Variants in MACROD2 observed in about 807,000 individuals in gnomAD.
MACROD2 encodes the protein mono-ADP ribosylhydrolase 2.
In MACROD2, 36 loss-of-function variants were observed where a neutral mutation model predicts 70.4. The observed-to-expected ratio is 0.51, with a 90% CI of 0.39 to 0.68. MACROD2 has a LOEUF of 0.68. Among genes scored for constraint, MACROD2 ranks in the 30% least tolerant of loss-of-function variants. The probability of loss-of-function intolerance (pLI) is 0.00; values close to 1 mark genes in which losing one functional copy is unlikely to be tolerated. For missense variants in MACROD2, 496 were observed against 538.4 expected (o/e 0.92, Z 0.78); for synonymous variants, 172 against 178.8 (o/e 0.96, Z 0.30).
chr20:14,018,514 T>G (rs929081375), intron 2 of MACROD2, among the ~76,000 whole-genome samples: 1 of 152,218 alleles, frequency 6.6e-6, no homozygotes, highest in African/African-American at 2.4e-5. Context: ...CAGGAGTATG[T>G]TGCCTAATTT....
intron 5 of MACROD2, among the ~76,000 whole-genome samples, chr20:14,691,398 G>C (rs2071062363): frequency 6.6e-6 from 1 of 152,192 alleles, no homozygotes; most frequent in African/African-American, 2.4e-5. Context: ...TTGGGAAGAT[G>C]ATCTGAAACC....
At chr20:16,047,424 C>T (rs1431037026) in intron 17 of MACROD2, among the ~76,000 whole-genome samples, 1 of 152,134 alleles carries the variant, frequency 6.6e-6, no homozygotes, top group East Asian at 1.9e-4. Context: ...TGTTTTCCAA[C>T]AAGTATTTGA....
intron 8 of MACROD2, among the ~76,000 whole-genome samples, chr20:15,596,878 C>G (rs1193138416): frequency 6.6e-6 from 1 of 152,170 alleles, no homozygotes; most frequent in East Asian, 1.9e-4. Flanking sequence ...TCTGAATATG[C>G]ATATTCTCTC....
chr20:14,535,957 T>C (rs1036041552), intron 4 of MACROD2, among the ~76,000 whole-genome samples: 1 of 152,200 alleles, frequency 6.6e-6, no homozygotes. Flanking sequence ...CTTATTAGAA[T>C]CTATAAAATA....
chr20:15,253,860 G>C, intron 6 of MACROD2, among the ~76,000 whole-genome samples: 1 of 152,124 alleles, frequency 6.6e-6, no homozygotes, highest in East Asian at 1.9e-4. Flanking sequence ...ATCTGTAACA[G>C]GGTGGATTTC....
At chr20:14,970,713 C>T (rs898658546) in intron 5 of MACROD2, among the ~76,000 whole-genome samples, 4 of 152,090 alleles carry the variant, frequency 2.6e-5, no homozygotes, top group African/African-American at 7.2e-5. Context: ...TGCTATGGTA[C>T]AGTCATGGCT....
intron 8 of MACROD2, among the ~76,000 whole-genome samples, chr20:15,583,884 G>A (rs1307678118): frequency 2.0e-5 from 3 of 152,168 alleles, no homozygotes; most frequent in Admixed American, 2.0e-4. Flanking sequence ...TCAAGGCCAA[G>A]TGTTTTGGCC....
intron 5 of MACROD2, among the ~76,000 whole-genome samples, chr20:15,222,343 T>C (rs981340894): frequency 2.6e-5 from 4 of 152,234 alleles, no homozygotes; most frequent in Non-Finnish European, 5.9e-5. Flanking sequence ...GAAATGTGTA[T>C]ATGAAAACAC....
rs113730461 is a variant in MACROD2 at position 14,385,413 on chromosome 20, T to C, written c.272-108066T>C. 1.3e-3 allele frequency among the ~76,000 whole-genome samples: 186 copies of C among 148,404 alleles called. 1 individual carries two copies. The highest frequency in any genetic ancestry group is 2.4e-3 in the Non-Finnish European group (162 of 67,040). On this transcript the variant is annotated intron_variant, in intron 3 of 17. Transcript: ENST00000684519. ...ATAGTTTAAAATGGGCCACAAAAAT[T>C]ACATTTATCATTTCACAAATTTAAA...
At chr20:14,773,989 T>C (rs892477131) in intron 5 of MACROD2, among the ~76,000 whole-genome samples, 1 of 152,108 alleles carries the variant, frequency 6.6e-6, no homozygotes, top group Non-Finnish European at 1.5e-5. Context: ...ACAAATCTCA[T>C]TGGGTCTAAT....
At chr20:15,667,507 C>CTATCTATCTATG (rs1555857575) in intron 8 of MACROD2, among the ~76,000 whole-genome samples, 9 of 140,578 alleles carry the variant, frequency 6.4e-5, no homozygotes, top group Admixed American at 6.0e-4. Flanking sequence ...ATGTATCTAT[C>CTATCTATCTATG]TATCTATCTA....
At chr20:14,439,278 A>G (rs2084093717) in intron 3 of MACROD2, among the ~76,000 whole-genome samples, 1 of 151,962 alleles carries the variant, frequency 6.6e-6, no homozygotes, top group African/African-American at 2.4e-5. Context: ...TGCTAGTACC[A>G]TACTGTTTTG....
At chr20:14,602,223 C>G (rs887008618) in intron 4 of MACROD2, among the ~76,000 whole-genome samples, 3 of 152,150 alleles carry the variant, frequency 2.0e-5, no homozygotes, top group African/African-American at 7.2e-5. Context: ...GCACATGAAC[C>G]GAAGAGGCCA....
At chr20:14,902,466 T>C (rs2073906041) in intron 5 of MACROD2, among the ~76,000 whole-genome samples, 1 of 152,200 alleles carries the variant, frequency 6.6e-6, no homozygotes, top group Admixed American at 6.5e-5. Context: ...TTTAAAATAA[T>C]CTTCCTGAGG....
Position 14,326,725 on chromosome 20 carries a change from C to T in MACROD2, c.272-166754C>T, listed in dbSNP as rs376150945. ...ATAAGAAAAAGCATTTGGGGGCACC[C>T]GATTGATGTGGTTATCTTGAAGATA... On this transcript the variant is annotated intron_variant, in intron 3 of 17. Coordinates refer to ENST00000684519, the MANE Select transcript of MACROD2 (RefSeq NM_001351661.2). The surrounding 1 kb of genome is among the most constrained non-coding windows in gnomAD (Gnocchi z 5.5). 3 of 1,613,658 alleles carry T rather than the reference C, an allele frequency of 1.9e-6. No individual in the cohort carries two copies. The highest frequency in any genetic ancestry group is 1.7e-6 in the Non-Finnish European group (2 of 1,179,792).
At chr20:14,498,311 A>G (rs1600304999) in intron 4 of MACROD2, among the ~76,000 whole-genome samples, 2 of 152,366 alleles carry the variant, frequency 1.3e-5, no homozygotes, top group South Asian at 2.1e-4. Context: ...GAAAAAAAGA[A>G]GAGTGAAATC....
At chr20:15,639,275 A>G (rs934143683) in intron 8 of MACROD2, among the ~76,000 whole-genome samples, 3 of 152,236 alleles carry the variant, frequency 2.0e-5, no homozygotes, top group East Asian at 1.9e-4. Context: ...TGAAAATGAA[A>G]TGGTAGGGAG....
chr20:15,427,777 A>T (rs1410284885), intron 6 of MACROD2, among the ~76,000 whole-genome samples: 1 of 152,184 alleles, frequency 6.6e-6, no homozygotes, highest in East Asian at 1.9e-4. Context: ...TAGCTGAGGC[A>T]GTCCTTGAAA....
At chr20:15,107,234 A>G (rs1292775310) in intron 5 of MACROD2, among the ~76,000 whole-genome samples, 1 of 151,932 alleles carries the variant, frequency 6.6e-6, no homozygotes, top group African/African-American at 2.4e-5. Context: ...AAACAAACAC[A>G]CATATGAAAT....
Sources: allele counts gnomAD v4.1 joint callset (sites outside exome capture counted in the v4.1 genomes callset), GRCh38; gene constraint gnomAD v4.1.1; non-coding constraint Gnocchi (gnomAD v3.1); transcripts MANE v1.5; gene names NCBI Gene and HGNC (gene_info 2026-07-23, HGNC 2026-07-21).